MYO6: variants seen among roughly 807,000 people sequenced by gnomAD.
The protein encoded by MYO6 is myosin VI, also known as unconventional myosin-VI.
A neutral mutation model predicts 178.7 loss-of-function variants in MYO6; 74 were observed. The ratio of observed to expected loss-of-function variants is 0.41; its 90% CI spans 0.34 to 0.50. The LOEUF is 0.50. Among genes scored for constraint, MYO6 ranks in the 20% least tolerant of loss-of-function variants. MYO6 has a pLI of 0.09. For synonymous variants in MYO6, 477 were observed against 504.6 expected (o/e 0.95, Z 0.73); for missense variants, 1,330 against 1,547.4 (o/e 0.86, Z 2.36).
intron 31 of MYO6, 94 bp downstream of exon 31, chr6:75,907,802 GTGTGTGTGTGTGTGTA>G (rs986642939): frequency 4.8e-6 from 4 of 836,534 alleles, no homozygotes; most frequent in Non-Finnish European, 6.0e-6. Context: ...GTATGTGTGT[GTGTGTGTGTGTGTGTA>G]TGTGTGTATG....
At chr6:75,827,183 G>A (rs1268832888) in intron 3 of MYO6, among the ~76,000 whole-genome samples, 2 of 152,178 alleles carry the variant, frequency 1.3e-5, no homozygotes, top group African/African-American at 4.8e-5. Flanking sequence ...TAATAACACT[G>A]GCAGTGTGTG....
At chr6:75,885,737 C>G (rs1029973836) in intron 23 of MYO6, among the ~76,000 whole-genome samples, 119 of 152,202 alleles carry the variant, frequency 7.8e-4, no homozygotes, top group African/African-American at 2.8e-3. Flanking sequence ...TGAGCCACCG[C>G]GCCCGGCCGA....
intron 5 of MYO6, among the ~76,000 whole-genome samples, chr6:75,830,932 C>T (rs1045366172): frequency 6.6e-6 from 1 of 152,126 alleles, no homozygotes; most frequent in Non-Finnish European, 1.5e-5. Context: ...CATCTCTTAC[C>T]CAGCTCATCC....
At chr6:75,812,561 A>G (rs1413261667) in intron 1 of MYO6, among the ~76,000 whole-genome samples, 1 of 152,078 alleles carries the variant, frequency 6.6e-6, no homozygotes, top group Non-Finnish European at 1.5e-5. Flanking sequence ...AATTCTAACT[A>G]TATTTTTGTA....
intron 16 of MYO6, 142 bp from the exon 17 acceptor site, chr6:75,866,384 A>G (rs962369653): frequency 8.5e-5 from 55 of 650,426 alleles, no homozygotes; most frequent in African/African-American, 7.7e-4. Flanking sequence ...GGCATACTCA[A>G]TACATAAAAG....
intron 5 of MYO6, among the ~76,000 whole-genome samples, chr6:75,831,143 G>C (rs1245519858): frequency 6.6e-6 from 1 of 152,208 alleles, no homozygotes; most frequent in Non-Finnish European, 1.5e-5. Flanking sequence ...CTGAGTCATA[G>C]AGGTTGGAGG....
chr6:75,749,494 C>T (rs1320270152), intron 1 of MYO6, 71 bp downstream of exon 1: 9 of 152,226 alleles, frequency 5.9e-5, no homozygotes, highest in African/African-American at 2.2e-4. Context: ...GGCCTTGCTC[C>T]CGGGCCTCCT....
intron 1 of MYO6, among the ~76,000 whole-genome samples, chr6:75,802,479 ATTT>A (rs1300270453): frequency 6.7e-4 from 78 of 116,474 alleles, no homozygotes; most frequent in Middle Eastern, 4.5e-3. Flanking sequence ...AAAAAAAAAA[ATTT>A]TTTTTTTTTT....
intron 2 of MYO6, 152 bp from the exon 3 acceptor site, chr6:75,822,630 G>A: frequency 3.2e-6 from 2 of 631,180 alleles, no homozygotes; most frequent in East Asian, 5.9e-5. Flanking sequence ...CTGTTTTGGG[G>A]TTAATGACTT....
intron 23 of MYO6, among the ~76,000 whole-genome samples, chr6:75,885,534 C>T (rs545900791): frequency 2.0e-4 from 30 of 152,152 alleles, no homozygotes; most frequent in East Asian, 5.8e-4. Flanking sequence ...CCGCAAGCTC[C>T]GCCTCCCGGG....
At chr6:75,787,910 C>A (rs1217970528) in intron 1 of MYO6, among the ~76,000 whole-genome samples, 2 of 150,480 alleles carry the variant, frequency 1.3e-5, no homozygotes, top group South Asian at 2.1e-4. Context: ...CAGGTATGCA[C>A]CACCATACCC....
At chr6:75,822,720 C>T in intron 2 of MYO6, 62 bp from the exon 3 acceptor site, 2 of 1,296,130 alleles carry the variant, frequency 1.5e-6, no homozygotes, top group South Asian at 2.4e-5. Flanking sequence ...CCAATTAAGC[C>T]CTTCTATTGT....
chr6:75,882,512 C>T (rs547891287), intron 23 of MYO6, among the ~76,000 whole-genome samples: 5 of 152,040 alleles, frequency 3.3e-5, no homozygotes, highest in East Asian at 1.9e-4. Context: ...GTTTTTTGAA[C>T]GGAAGTCTGT....
intron 9 of MYO6, among the ~76,000 whole-genome samples, chr6:75,842,409 A>C (rs757468766): frequency 6.6e-5 from 10 of 152,202 alleles, no homozygotes; most frequent in Non-Finnish European, 1.3e-4. Flanking sequence ...TGATTCTGAT[A>C]GTCTTTTTTG....
chr6:75,894,845 G>A (rs1417021256), intron 28 of MYO6: 1 of 1,507,118 alleles, frequency 6.6e-7, no homozygotes, highest in Non-Finnish European at 8.9e-7. Flanking sequence ...TTCTAAGTAA[G>A]AATTGTTTTC....
chr6:75,762,599 C>T (rs1176604919), intron 1 of MYO6, among the ~76,000 whole-genome samples: 1 of 152,176 alleles, frequency 6.6e-6, no homozygotes, highest in Non-Finnish European at 1.5e-5. Flanking sequence ...ATCTATGCCC[C>T]ACTCTCAAGT....
chr6:75,811,360 T>C (rs1407841509), intron 1 of MYO6, among the ~76,000 whole-genome samples: 2 of 152,230 alleles, frequency 1.3e-5, no homozygotes, highest in African/African-American at 4.8e-5. Flanking sequence ...GTTGGTTGCC[T>C]CTCAACCATT....
intron 1 of MYO6, among the ~76,000 whole-genome samples, chr6:75,789,069 G>C (rs753386466): frequency 6.6e-6 from 1 of 152,142 alleles, no homozygotes; most frequent in Non-Finnish European, 1.5e-5. Context: ...GATGCTGAGA[G>C]GTCTCTAGAC....
intron 28 of MYO6, among the ~76,000 whole-genome samples, chr6:75,893,441 T>TA (rs1779060000): frequency 6.6e-6 from 1 of 152,172 alleles, no homozygotes; most frequent in Admixed American, 6.5e-5. Context: ...GAGAGGCACA[T>TA]AGACACATGT....
Sources: gnomAD v4.1 joint callset for allele counts (sites outside exome capture counted in the v4.1 genomes callset) on GRCh38, gnomAD v4.1.1 for gene constraint, MANE v1.5 for transcripts, NCBI Gene and HGNC (gene_info 2026-07-23, HGNC 2026-07-21) for gene names.